Variants in RARB observed in about 807,000 individuals in gnomAD.
The protein encoded by RARB is HBV-activated protein.
In RARB, 17 loss-of-function variants were observed where a neutral mutation model predicts 51.9. The ratio of observed to expected loss-of-function variants is 0.33; its 90% confidence interval spans 0.22 to 0.49. The LOEUF (loss-of-function observed/expected upper bound fraction) is 0.49, where lower values mean the gene tolerates loss of function less well. RARB is among the 20% of genes least tolerant of loss of function. The pLI, the probability that RARB is intolerant of heterozygous loss-of-function variation, is 0.99. For missense variants in RARB, 369 were observed against 550.8 expected, an observed-to-expected ratio of 0.67 and a Z score of 3.30; for synonymous variants, 215 against 195.4, an observed-to-expected ratio of 1.10 and a Z score of -0.84.
intron 3 of RARB, among the ~76,000 whole-genome samples, chr3:25,103,081 G>A (rs1054298574): frequency 2.6e-5 from 4 of 152,168 alleles, no homozygotes; most frequent in African/African-American, 9.7e-5. Context: ...GGTAGAACTT[G>A]TTGAGGGAGT....
At chr3:24,878,970 C>T (rs1361282147) in intron 2 of RARB, among the ~76,000 whole-genome samples, 1 of 152,108 alleles carries the variant, frequency 6.6e-6, no homozygotes, top group Non-Finnish European at 1.5e-5. Context: ...AATAAAAATA[C>T]TTACTTTGTA....
At chr3:25,291,470 T>C (rs1204217770) in intron 5 of RARB, among the ~76,000 whole-genome samples, 1 of 143,370 alleles carries the variant, frequency 7.0e-6, no homozygotes, top group East Asian at 2.0e-4. Context: ...TTGAGCCAGA[T>C]GTTTGCTTTT....
chr3:25,243,410 G>C (rs1360699044), intron 5 of RARB, among the ~76,000 whole-genome samples: 1 of 152,162 alleles, frequency 6.6e-6, no homozygotes, highest in Non-Finnish European at 1.5e-5. Context: ...AATGGTTCCA[G>C]CTTATGCCCA....
chr3:25,336,098 G>A (rs9848513), intron 5 of RARB, among the ~76,000 whole-genome samples: 32,243 of 150,688 alleles, frequency 0.21, 3,866 homozygotes, highest in African/African-American at 0.33. Flanking sequence ...AAAGCATGCT[G>A]TGATCTTAAG....
intron 3 of RARB, among the ~76,000 whole-genome samples, chr3:25,538,788 C>T (rs1311514740): frequency 2.0e-5 from 3 of 152,222 alleles, no homozygotes; most frequent in Non-Finnish European, 4.4e-5. Context: ...TTTGGTGCAA[C>T]ACCGAATGAG....
chr3:25,396,952 C>T (rs2125491410), intron 5 of RARB, among the ~76,000 whole-genome samples: 1 of 152,310 alleles, frequency 6.6e-6, no homozygotes, highest in South Asian at 2.1e-4. Context: ...CCCCAGGCTA[C>T]AAGCCTCCCT....
intron 3 of RARB, among the ~76,000 whole-genome samples, chr3:25,097,914 A>G (rs1224327066): frequency 6.6e-6 from 1 of 152,190 alleles, no homozygotes; most frequent in African/African-American, 2.4e-5. Context: ...GTATTGGGTT[A>G]GACTTAAGAT....
intron 2 of RARB, among the ~76,000 whole-genome samples, chr3:25,023,899 A>C (rs191678481): frequency 6.6e-6 from 1 of 152,264 alleles, no homozygotes. Context: ...TGGGTAGAGG[A>C]TTACGTGAGT....
At chr3:24,886,968 T>C (rs956789578) in intron 2 of RARB, among the ~76,000 whole-genome samples, 1 of 152,224 alleles carries the variant, frequency 6.6e-6, no homozygotes, top group Non-Finnish European at 1.5e-5. Flanking sequence ...AAACTTTTAA[T>C]AAAACATTGT....
intron 3 of RARB, among the ~76,000 whole-genome samples, chr3:25,120,580 T>C (rs1201510182): frequency 2.7e-5 from 4 of 149,602 alleles, no homozygotes; most frequent in Non-Finnish European, 4.4e-5. Flanking sequence ...CCTATTAGAG[T>C]ATAATTTTCT....
At chr3:25,554,609 C>T (rs1699980710) in intron 3 of RARB, among the ~76,000 whole-genome samples, 1 of 152,186 alleles carries the variant, frequency 6.6e-6, no homozygotes, top group Non-Finnish European at 1.5e-5. Context: ...TGAGGAACCA[C>T]GTCTGCCTCT....
intron 2 of RARB, among the ~76,000 whole-genome samples, chr3:24,891,563 C>A (rs972149320): frequency 3.3e-5 from 5 of 152,304 alleles, no homozygotes; most frequent in Non-Finnish European, 7.3e-5. Context: ...ACCCCCATCT[C>A]TATAAATATA....
At chr3:25,507,667 C>G (rs997413761) in intron 3 of RARB, among the ~76,000 whole-genome samples, 4 of 152,126 alleles carry the variant, frequency 2.6e-5, no homozygotes, top group African/African-American at 9.7e-5. Flanking sequence ...CAAAGATGGA[C>G]ATGTATTGGG....
At chr3:25,537,794 T>TG (rs757101837) in intron 3 of RARB, among the ~76,000 whole-genome samples, 5 of 152,206 alleles carry the variant, frequency 3.3e-5, no homozygotes, top group Non-Finnish European at 5.9e-5. Flanking sequence ...TGAAGACTCT[T>TG]GCTCTTCTTT....
At chr3:25,099,223 G>C (rs919116875) in intron 3 of RARB, among the ~76,000 whole-genome samples, 1 of 152,124 alleles carries the variant, frequency 6.6e-6, no homozygotes, top group African/African-American at 2.4e-5. Flanking sequence ...CATCCCTGAG[G>C]AAAATTGGCC....
At chr3:25,294,013 A>G (rs1279373957) in intron 5 of RARB, among the ~76,000 whole-genome samples, 1 of 152,178 alleles carries the variant, frequency 6.6e-6, no homozygotes, top group Non-Finnish European at 1.5e-5. Flanking sequence ...CAAGTATCAC[A>G]GAGACAATAA....
chr3:25,509,801 G>A (rs190625403), intron 3 of RARB, among the ~76,000 whole-genome samples: 79 of 152,180 alleles, frequency 5.2e-4, no homozygotes, highest in Non-Finnish European at 7.1e-4. Flanking sequence ...AAGCTAAATC[G>A]CCACAGAGAC....
Position 24,961,952 on chromosome 3 carries a change from C to T in RARB, c.-379-98173C>T, listed in dbSNP as rs1312721852. Among the ~76,000 whole-genome samples the T allele has an allele frequency of 1.7e-4, 12 of 70,544 alleles. 1 individual carries two copies. The South Asian group carries it at 3.4e-3, about 20-fold the overall frequency. 46.3% of individuals were successfully genotyped at this position (70,544 alleles called of 152,430 possible). A position where few individuals can be genotyped will look rare whatever the true frequency, so the allele number is the denominator to read the frequency against. Reference sequence around the variant, plus strand: ...TTTTTTTTTTTTTTTTTTTTTGAGACAGAGTCTTGCTCTGTCGCCCAGGCT... The same window carrying T: ...TTTTTTTTTTTTTTTTTTTTTGAGATAGAGTCTTGCTCTGTCGCCCAGGCT... On this transcript the variant is annotated intron_variant, in intron 2 of 11. Coordinates refer to the RARB transcript ENST00000383772.
chr3:25,020,899 T>A (rs561398134), intron 2 of RARB, among the ~76,000 whole-genome samples: 2 of 151,972 alleles, frequency 1.3e-5, no homozygotes, highest in Non-Finnish European at 2.9e-5. Context: ...AGCCAGGGAG[T>A]CAGAGGTTGC....
Sources: allele counts gnomAD v4.1 joint callset (sites outside exome capture counted in the v4.1 genomes callset), GRCh38; gene constraint gnomAD v4.1.1; transcripts MANE v1.5; gene names NCBI Gene and HGNC (gene_info 2026-07-23, HGNC 2026-07-21).